Variants in SRGN observed in about 807,000 individuals in gnomAD.
SRGN encodes hematopoetic proteoglycan core peptide.
In SRGN, 2 loss-of-function variants were observed where a neutral mutation model predicts 9.5. The observed-to-expected ratio is 0.21, with a 90% CI of 0.09 to 0.66. The LOEUF (loss-of-function observed/expected upper bound fraction) is 0.66, where lower values mean the gene tolerates loss of function less well. Ranked by LOEUF, SRGN falls within the 30% of genes least tolerant of loss-of-function variation. The pLI is 0.83. For synonymous variants in SRGN, 59 were observed against 72.3 expected (o/e 0.82, Z 0.93); for missense variants, 170 against 192.4 (o/e 0.88, Z 0.69).
intron 2 of SRGN, among the ~76,000 whole-genome samples, chr10:69,102,383 C>T (rs1261093442): frequency 6.6e-6 from 1 of 152,200 alleles, no homozygotes; most frequent in African/African-American, 2.4e-5. Flanking sequence ...TATTTATTCA[C>T]TTTTCATTGT....
intron 2 of SRGN, among the ~76,000 whole-genome samples, 166 bp downstream of exon 2, chr10:69,097,397 A>T (rs1589329210): frequency 1.4e-5 from 2 of 147,842 alleles, no homozygotes; most frequent in Admixed American, 6.8e-5. Context: ...AGCAGCTGGG[A>T]TTTCAGGCGC....
chr10:69,099,501 CTG>C (rs1402452165), intron 2 of SRGN, among the ~76,000 whole-genome samples: 7 of 151,870 alleles, frequency 4.6e-5, no homozygotes, highest in Non-Finnish European at 8.8e-5. Context: ...ACAGGGGTCT[CTG>C]TACATTTCCC....
chr10:69,104,051 T>G lies in SRGN; in HGVS notation c.408T>G (p.Leu136=). The change falls in exon 3 of 3, where the codon CTT becomes CTG. Residue 136 remains leucine, a synonymous_variant. Transcript: ENST00000242465. ...CTTTCCATGACAACCTTAGGTCTCT[T>G]GACAGGAATCTGCCCTCAGACAGCC... is the stretch of plus-strand genomic sequence containing the variant. ...SDAFHDNLRS[L]DRNLPSDSQD... is the part of the protein sequence containing the mutation. 1 of 1,614,228 alleles carries G rather than the reference T, an allele frequency of 6.2e-7. No homozygotes were observed. The highest frequency in any genetic ancestry group is 8.5e-7 in the Non-Finnish European group (1 of 1,180,048).
intron 1 of SRGN, among the ~76,000 whole-genome samples, chr10:69,089,895 G>A (rs374121650): frequency 6.6e-6 from 1 of 151,632 alleles, no homozygotes; most frequent in Non-Finnish European, 1.5e-5. Flanking sequence ...GACTCTGTCA[G>A]AAAGAAAGAA....
chr10:69,102,019 A>T (rs1212592361), intron 2 of SRGN, among the ~76,000 whole-genome samples: 2 of 152,086 alleles, frequency 1.3e-5, no homozygotes, highest in Non-Finnish European at 2.9e-5. Flanking sequence ...ACTGCACTCC[A>T]GCCTGCACAA....
intron 2 of SRGN, among the ~76,000 whole-genome samples, chr10:69,099,281 C>A (rs1840240222): frequency 6.7e-6 from 1 of 150,374 alleles, no homozygotes; most frequent in Non-Finnish European, 1.5e-5. Flanking sequence ...TTTCACATCA[C>A]TTTGGGATCC....
intron 1 of SRGN, among the ~76,000 whole-genome samples, chr10:69,091,879 CAAAAA>C (rs1177012248): frequency 9.4e-5 from 3 of 31,770 alleles, no homozygotes; most frequent in African/African-American, 2.1e-4. Context: ...GACTCTGTCT[CAAAAA>C]AAAAAAAAAA....
In SRGN at chr10:69,103,939, G is replaced by C; in HGVS notation, c.296G>C (p.Gly99Ala). 6.2e-7 allele frequency: 1 copy of C among 1,614,124 alleles called. No homozygotes were observed. The highest frequency in any genetic ancestry group is 8.5e-7 in the Non-Finnish European group (1 of 1,180,026). Residue 99 changes from glycine to alanine, a missense_variant, in exon 3 of 3, where the codon GGC becomes GCC. By Grantham distance (60) the Gly-to-Ala change is moderately conservative (BLOSUM62 0). Transcript: ENST00000242465. ...LSEDYSGSGF[G>A]SGSGSGSGSG... ...GAGGACTACTCTGGATCAGGCTTCG[G>C]CTCCGGCTCCGGCTCTGGATCAGGA...
In SRGN at chr10:69,093,064, G is replaced by A. The variant is rs538826656; in HGVS notation, c.80-4020G>A. Among the ~76,000 whole-genome samples the A allele has an allele frequency of 2.0e-5, 3 of 152,194 alleles. No individual in the cohort carries two copies. In the South Asian group the frequency reaches 6.2e-4, roughly 32 times the overall value. ...TCATTAAGCATTATTTTTCTGTTTA[G>A]CTTCCTGTGTGAGCAAACATTTTCT... On this transcript the variant is annotated intron_variant, in intron 1 of 2. Coordinates refer to ENST00000242465, the MANE Select transcript of SRGN (RefSeq NM_002727.4).
intron 1 of SRGN, among the ~76,000 whole-genome samples, chr10:69,090,230 C>T (rs1257014787): frequency 1.3e-5 from 2 of 152,188 alleles, no homozygotes; most frequent in African/African-American, 4.8e-5. Context: ...CACCTCCACG[C>T]AATGCCAGAT....
chr10:69,088,299 C>A, intron 1 of SRGN, 63 bp downstream of exon 1: 9 of 1,336,420 alleles, frequency 6.7e-6, no homozygotes, highest in South Asian at 1.2e-5. Context: ...CCATGCAAGT[C>A]ATTATATTCA....
intron 1 of SRGN, among the ~76,000 whole-genome samples, chr10:69,093,648 C>T (rs1840112231): frequency 6.6e-6 from 1 of 152,114 alleles, no homozygotes; most frequent in Non-Finnish European, 1.5e-5. Flanking sequence ...GAGGCCAAGG[C>T]GAGGGGATCA....
intron 2 of SRGN, among the ~76,000 whole-genome samples, chr10:69,099,337 C>T (rs188618868): frequency 4.8e-5 from 7 of 145,388 alleles, no homozygotes; most frequent in Middle Eastern, 3.7e-3. Flanking sequence ...GACAGGGTCT[C>T]CTCTGTCACC....
chr10:69,092,800 A>AT (rs1464784334), intron 1 of SRGN, among the ~76,000 whole-genome samples: 2 of 151,586 alleles, frequency 1.3e-5, no homozygotes, highest in African/African-American at 2.4e-5. Context: ...TCTCCAAAAA[A>AT]AAAAAAAAAA....
Position 69,097,117 on chromosome 10 carries a change from T to G in SRGN, c.113T>G (p.Val38Gly), listed in dbSNP as rs748190425. The G allele has an allele frequency of 6.2e-7, 1 of 1,614,154 alleles. No homozygotes were observed. The highest frequency in any genetic ancestry group is 8.5e-7 in the Non-Finnish European group (1 of 1,180,006). The change falls in exon 2 of 3, where the codon GTG becomes GGG. Residue 38 changes from valine (V) to glycine (G), a missense_variant. Transcript: ENST00000242465. Reference protein sequence around the residue: ...YPTRRARYQWVRCNPDSNSAN... With the variant: ...YPTRRARYQWGRCNPDSNSAN... Reference sequence around the variant, plus strand: ...ACGCGGAGAGCCAGGTACCAATGGGTGCGCTGCAATCCAGACAGTAATTCT... The same window carrying G: ...ACGCGGAGAGCCAGGTACCAATGGGGGCGCTGCAATCCAGACAGTAATTCT...
At chr10:69,096,576 T>C (rs957319658) in intron 1 of SRGN, among the ~76,000 whole-genome samples, 2 of 152,192 alleles carry the variant, frequency 1.3e-5, no homozygotes, top group African/African-American at 4.8e-5. Context: ...AGAAGGACAA[T>C]TTATATAAAA....
intron 1 of SRGN, among the ~76,000 whole-genome samples, chr10:69,091,879 CAAAAAAAAAAAAAAAA>C (rs1177012248): frequency 3.8e-4 from 12 of 31,772 alleles, no homozygotes; most frequent in South Asian, 3.6e-3. Flanking sequence ...GACTCTGTCT[CAAAAAAAAAAAAAAAA>C]AAAAAAAAAA....
intron 2 of SRGN, among the ~76,000 whole-genome samples, chr10:69,101,768 A>C (rs1840297381): frequency 6.6e-6 from 1 of 152,058 alleles, no homozygotes; most frequent in Non-Finnish European, 1.5e-5. Context: ...GCCTTCAAAA[A>C]CAGCTAACTG....
chr10:69,093,781 A>C (rs532246850), intron 1 of SRGN, among the ~76,000 whole-genome samples: 5 of 152,054 alleles, frequency 3.3e-5, no homozygotes, highest in Non-Finnish European at 5.9e-5. Flanking sequence ...GCAGGAGAAT[A>C]GCTTAAACCC....
Sources: gnomAD v4.1 joint callset for allele counts (sites outside exome capture counted in the v4.1 genomes callset) on GRCh38, gnomAD v4.1.1 for gene constraint, MANE v1.5 for transcripts, NCBI Gene and HGNC (gene_info 2026-07-23, HGNC 2026-07-21) for gene names.